RNF170: variants seen among roughly 807,000 people sequenced by gnomAD.
RNF170 encodes the protein E3 ubiquitin-protein ligase RNF170.
A neutral mutation model predicts 32.7 loss-of-function variants in RNF170; 12 were observed. That is an observed-to-expected ratio of 0.37 (90% CI 0.24 to 0.60). The LOEUF is 0.60. Ranked by LOEUF, RNF170 falls within the 20% of genes least tolerant of loss-of-function variation. The probability of loss-of-function intolerance (pLI) is 0.72; values close to 1 mark genes in which losing one functional copy is unlikely to be tolerated. For missense variants in RNF170, 212 were observed against 311.2 expected, an observed-to-expected ratio of 0.68 and a Z score of 2.40; for synonymous variants, 91 against 103.6, an observed-to-expected ratio of 0.88 and a Z score of 0.74.
At chr8:42,880,734 C>A (rs1490931315) in intron 2 of RNF170, among the ~76,000 whole-genome samples, 2 of 152,072 alleles carry the variant, frequency 1.3e-5, no homozygotes, top group Non-Finnish European at 2.9e-5. Context: ...CACGCCACTG[C>A]ACTCCAGCCT....
At chr8:42,852,564 C>G (rs559113538), downstream of RNF170, among the ~76,000 whole-genome samples, 3 of 152,102 alleles carry the variant, frequency 2.0e-5, no homozygotes, top group East Asian at 5.8e-4. Flanking sequence ...ACTACAGGTG[C>G]GTGCCACCAC....
At chr8:42,893,236 T>C (rs1318433813) in intron 1 of RNF170, among the ~76,000 whole-genome samples, 2 of 152,166 alleles carry the variant, frequency 1.3e-5, no homozygotes, top group Non-Finnish European at 2.9e-5. Context: ...GTATAGAACA[T>C]GGGATGTAAT....
chr8:42,894,068 C>T (rs1423233499), intron 1 of RNF170, among the ~76,000 whole-genome samples: 1 of 152,196 alleles, frequency 6.6e-6, no homozygotes, highest in East Asian at 1.9e-4. Context: ...ATCTCAGTGT[C>T]TTTTTACCCC....
intron 1 of RNF170, among the ~76,000 whole-genome samples, chr8:42,891,672 C>G (rs1024092730): frequency 2.0e-5 from 3 of 152,164 alleles, no homozygotes; most frequent in Non-Finnish European, 2.9e-5. Context: ...TCTGTCCTTT[C>G]CCAGGTGGCC....
chr8:42,866,662 G>C (rs74423767), intron 4 of RNF170, among the ~76,000 whole-genome samples: 3 of 151,864 alleles, frequency 2.0e-5, no homozygotes, highest in Non-Finnish European at 4.4e-5. Flanking sequence ...ATGAAGTTTA[G>C]AATCCAGTTC....
At position 42,854,061 on chromosome 8, in the gene RNF170, A is replaced by G; in HGVS notation, c.*2098T>C. The G allele has an allele frequency of 7.8e-7, 1 of 1,287,220 alleles. No homozygotes were observed. Among genetic ancestry groups the G allele is most frequent in the Non-Finnish European group, 1.0e-6 (1 of 988,682 alleles). The allele number at this position is 1,287,220 out of a possible 1,614,324, so 79.7% of individuals were successfully genotyped here. A position where few individuals can be genotyped will look rare whatever the true frequency, so the allele number is the denominator to read the frequency against. ...CAGTCTGGTACATGGCAGTGTGACAAACTCCTACTCACTCGCTTTTCAAGT... is the reference window on the plus strand; with the variant it reads ...CAGTCTGGTACATGGCAGTGTGACAGACTCCTACTCACTCGCTTTTCAAGT... On this transcript the variant is annotated 3_prime_UTR_variant, in exon 7 of 7. Coordinates refer to ENST00000527424, the MANE Select transcript of RNF170 (RefSeq NM_030954.4).
intron 2 of RNF170, among the ~76,000 whole-genome samples, chr8:42,878,606 G>C (rs1034946055): frequency 1.3e-5 from 2 of 152,218 alleles, no homozygotes; most frequent in Admixed American, 1.3e-4. Context: ...TGACATTTAA[G>C]GAAAGACAAA....
chr8:42,890,427 C>T (rs1010248351), intron 1 of RNF170, among the ~76,000 whole-genome samples: 1 of 151,694 alleles, frequency 6.6e-6, no homozygotes, highest in South Asian at 2.1e-4. Context: ...ACAGGCGCCC[C>T]CCACCACACC....
rs1472139172 is a variant in RNF170 at position 42,854,482 on chromosome 8, A to G, written c.*1677T>C. The stretch of plus-strand genomic sequence containing the variant: ...TTATCCAAAGGATAAAATGAAAAGT[A>G]TGTGAGAAACCTGCTTTAATTATAA... On this transcript the variant is annotated 3_prime_UTR_variant, in exon 7 of 7. Coordinates refer to ENST00000527424, the MANE Select transcript of RNF170 (RefSeq NM_030954.4). The G allele has an allele frequency of 1.6e-6, 2 of 1,286,628 alleles. No homozygotes were observed. The highest frequency in any genetic ancestry group is 4.6e-5 in the Admixed American group (2 of 43,564). The allele number at this position is 1,286,628 out of a possible 1,614,324, so 79.7% of individuals were successfully genotyped here.
chr8:42,897,257 G>T, upstream of RNF170: 1 of 1,089,808 alleles, frequency 9.2e-7, no homozygotes. Flanking sequence ...CTCCACGCGC[G>T]GCCCGTGGGG....
Position 42,858,419 on chromosome 8 carries a change from TTCTTA to T in RNF170, c.508-1996_508-1992del, listed in dbSNP as rs1348283034. Among the ~76,000 whole-genome samples, 3 of 152,344 alleles carry T rather than the reference TTCTTA, an allele frequency of 2.0e-5. No individual in the cohort carries two copies. In the East Asian group the frequency reaches 5.8e-4, roughly 29 times the overall value. ...ATTCGGCTGGGAGCAGCAGTATCAATTCTTATCTTAACAGTAATTCATTTATTCAA... is the reference window on the plus strand; with the variant it reads ...ATTCGGCTGGGAGCAGCAGTATCAATTCTTAACAGTAATTCATTTATTCAA... On this transcript the variant is annotated intron_variant, in intron 6 of 6. Coordinates refer to ENST00000527424, the MANE Select transcript of RNF170 (RefSeq NM_030954.4).
chr8:42,897,043 G>T, upstream of RNF170: 1 of 1,032,250 alleles, frequency 9.7e-7, no homozygotes. Context: ...GCCTGAGGCC[G>T]AGTCAGCTGC....
intron 6 of RNF170, among the ~76,000 whole-genome samples, chr8:42,859,291 G>C (rs1241265659): frequency 6.6e-6 from 1 of 152,190 alleles, no homozygotes; most frequent in Non-Finnish European, 1.5e-5. Context: ...TGTGGTTGCC[G>C]TGAGCAGAGA....
downstream of RNF170, among the ~76,000 whole-genome samples, chr8:42,852,112 A>C (rs572392041): frequency 6.6e-6 from 1 of 152,332 alleles, no homozygotes; most frequent in South Asian, 2.1e-4. Context: ...ATGAACGTTT[A>C]AGACAGTTCA....
At chr8:42,896,928 C>T, upstream of RNF170, 3 of 386,704 alleles carry the variant, frequency 7.8e-6, no homozygotes, top group Non-Finnish European at 1.4e-5. Flanking sequence ...GCGCGGCTGG[C>T]GCGCGGTCCC....
intron 2 of RNF170, among the ~76,000 whole-genome samples, chr8:42,880,952 T>C (rs1805347440): frequency 6.6e-6 from 1 of 152,186 alleles, no homozygotes. Flanking sequence ...AGTATGTACA[T>C]TGTTTATTAG....
At chr8:42,884,755 G>A (rs1034359405) in intron 2 of RNF170, among the ~76,000 whole-genome samples, 5 of 147,738 alleles carry the variant, frequency 3.4e-5, no homozygotes, top group African/African-American at 1.3e-4. Context: ...AGGCTGGAGT[G>A]CAGTGGTGCG....
chr8:42,868,985 A>G (rs569693212), intron 4 of RNF170, among the ~76,000 whole-genome samples: 1 of 152,190 alleles, frequency 6.6e-6, no homozygotes, highest in East Asian at 1.9e-4. Context: ...ATCACAGTTC[A>G]TTGCAGGCTC....
chr8:42,856,020 T>C lies in RNF170; in HGVS notation c.*139A>G. Reference sequence around the variant, plus strand: ...TACCTAGGTATTTGTCAAATGATAATCAAATGTTTGTCTTATAGTGGTTTT... The same window carrying C: ...TACCTAGGTATTTGTCAAATGATAACCAAATGTTTGTCTTATAGTGGTTTT... On this transcript the variant is annotated 3_prime_UTR_variant, in exon 7 of 7. Transcript: ENST00000527424. 6.5e-7 allele frequency: 1 copy of C among 1,546,120 alleles called. No individual in the cohort carries two copies. The highest frequency in any genetic ancestry group is 1.2e-5 in the South Asian group (1 of 86,562).
Sources: allele counts gnomAD v4.1 joint callset (sites outside exome capture counted in the v4.1 genomes callset), GRCh38; gene constraint gnomAD v4.1.1; transcripts MANE v1.5; gene names NCBI Gene and HGNC (gene_info 2026-07-23, HGNC 2026-07-21).